ARID1A: variants seen among roughly 807,000 people sequenced by gnomAD.
ARID1A encodes AT-rich interactive domain-containing protein 1A.
ARID1A carries 20 observed loss-of-function variants against 212.6 expected under a neutral mutation model. That is an observed-to-expected ratio of 0.09 (90% confidence interval 0.07 to 0.14). The LOEUF is 0.14. Ranked by LOEUF, ARID1A falls within the 10% of genes least tolerant of loss-of-function variation. ARID1A has a pLI of 1.00. For synonymous variants in ARID1A, 1,376 were observed against 1,222.1 expected, an observed-to-expected ratio of 1.13 and a Z score of -2.63; for missense variants, 2,587 against 3,059.0, an observed-to-expected ratio of 0.85 and a Z score of 3.64.
chr1:26,774,991 T>A lies in ARID1A; in HGVS notation c.4764T>A (p.Pro1588=). 1 of 1,539,040 alleles carries A rather than the reference T, an allele frequency of 6.5e-7. No individual in the cohort carries two copies. The highest frequency in any genetic ancestry group is 8.7e-7 in the Non-Finnish European group (1 of 1,144,536). ...ATCACATTCCTCAGGTATCCAGCCC[T>A]GCTCCCCTGCCCCGGCCAATGGAGA... ...MQNHIPQVSS[P]APLPRPMENR... Residue 1588 remains proline (P), a synonymous_variant, in exon 18 of 20, where the codon CCT becomes CCA. Transcript: ENST00000324856. The surrounding 1 kb of genome is among the most constrained non-coding windows in gnomAD (Gnocchi z 5.6).
chr1:26,702,866 T>C (rs1570546976), intron 1 of ARID1A, among the ~76,000 whole-genome samples: 1 of 152,250 alleles, frequency 6.6e-6, no homozygotes, highest in African/African-American at 2.4e-5. Context: ...AAATAGAAGT[T>C]TGGAAAGAAG....
chr1:26,737,618 C>A (rs1221968554), intron 4 of ARID1A, among the ~76,000 whole-genome samples: 1 of 152,078 alleles, frequency 6.6e-6, no homozygotes, highest in Non-Finnish European at 1.5e-5. Context: ...GTAATCCCGG[C>A]ACTTTGGGAG....
At chr1:26,777,393 AT>A (rs773418013) in intron 19 of ARID1A, among the ~76,000 whole-genome samples, 351 of 136,336 alleles carry the variant, frequency 2.6e-3, no homozygotes, top group Middle Eastern at 3.8e-3. Flanking sequence ...TGCTCAGCTA[AT>A]TTTTTTTTTT....
At chr1:26,742,234 C>T (rs530264506) in intron 4 of ARID1A, among the ~76,000 whole-genome samples, 1 of 152,212 alleles carries the variant, frequency 6.6e-6, no homozygotes. Context: ...TTCCATTTTA[C>T]TTCTGTTTTC....
rs747848949 is a variant in ARID1A, at chr1:26,771,096, A to G, written c.3199-23A>G. Reference sequence around the variant, plus strand: ...AAAACCAGGCGGGAGATATACCTCGACTCCTTTGGTTTGGTTATACAGGTC... The same window carrying G: ...AAAACCAGGCGGGAGATATACCTCGGCTCCTTTGGTTTGGTTATACAGGTC... On this transcript the variant is annotated intron_variant, in intron 11 of 19. Transcript: ENST00000324856. The surrounding 1 kb of genome is among the most constrained non-coding windows in gnomAD (Gnocchi z 5.4). 4.3e-6 allele frequency: 7 copies of G among 1,612,448 alleles called. No homozygotes were observed. Among genetic ancestry groups the G allele is most frequent in the Non-Finnish European group, 5.9e-6 (7 of 1,178,640 alleles).
chr1:26,757,669 AC>A (rs2080954348), intron 4 of ARID1A, among the ~76,000 whole-genome samples: 1 of 151,260 alleles, frequency 6.6e-6, no homozygotes, highest in African/African-American at 2.4e-5. Flanking sequence ...AATAATCAAA[AC>A]TTTTTTTTTT....
intron 4 of ARID1A, among the ~76,000 whole-genome samples, chr1:26,756,022 C>T (rs868577085): frequency 9.9e-5 from 15 of 152,004 alleles, no homozygotes; most frequent in Middle Eastern, 3.4e-3. Context: ...GGATTACAGA[C>T]GTGAGCCACC....
At chr1:26,720,678 G>C (rs981702075) in intron 1 of ARID1A, among the ~76,000 whole-genome samples, 3 of 151,956 alleles carry the variant, frequency 2.0e-5, no homozygotes, top group Admixed American at 2.0e-4. Flanking sequence ...AGGAGTTGAA[G>C]AACAGCCTGG....
In ARID1A at chr1:26,697,439, G is replaced by T; in HGVS notation, c.1036G>T (p.Ala346Ser). ...CWGAAAAAAA[A>S]AAASGGAQQR... ...GGGGGCTGCGGCGGCGGCAGCTGCG[G>T]CGGCGGCCGCCTCGGGAGGGGCCCA... The change falls in exon 1 of 20, where the codon GCG becomes TCG. Residue 346 changes from alanine to serine, a missense_variant. Physicochemically the swap from Ala to Ser is moderately conservative, Grantham distance 99 (BLOSUM62 1). Transcript: ENST00000324856. 2 of 1,356,082 alleles carry T rather than the reference G, an allele frequency of 1.5e-6. No individual in the cohort carries two copies. Among genetic ancestry groups the T allele is most frequent in the Non-Finnish European group, 1.9e-6 (2 of 1,065,250 alleles). 84.0% of individuals were successfully genotyped at this position (1,356,082 alleles called of 1,614,324 possible).
rs2124086799 is a variant in ARID1A, at chr1:26,767,883, C to T, written c.3082C>T (p.Leu1028=). 1.2e-6 allele frequency: 2 copies of T among 1,614,130 alleles called. No individual in the cohort carries two copies. The highest frequency in any genetic ancestry group is 1.7e-6 in the Non-Finnish European group (2 of 1,179,996). The part of the protein sequence containing the change: ...PERKMWVDRY[L]AFTEEKAMGM... The stretch of plus-strand genomic sequence containing the variant: ...GAGGAAGATGTGGGTGGACCGTTAT[C>T]TGGCCTTCACTGAGGAGAAGGCCAT... Residue 1028 remains leucine, a synonymous_variant, in exon 11 of 20, where the codon CTG becomes TTG. Coordinates refer to ENST00000324856, the MANE Select transcript of ARID1A (RefSeq NM_006015.6).
intron 1 of ARID1A, among the ~76,000 whole-genome samples, chr1:26,715,575 T>C (rs2080495073): frequency 6.6e-6 from 1 of 152,250 alleles, no homozygotes; most frequent in Non-Finnish European, 1.5e-5. Flanking sequence ...TGGGATGCAG[T>C]ATACCAGTGT....
In ARID1A at chr1:26,731,467, G is replaced by A. The variant is rs2124789674; in HGVS notation, c.1666G>A (p.Ala556Thr). ...CCAGCCCCCCTACTCACAGCCACAGGCTCAGTCTCCTTACCAGCAGCAGCA... is the reference window on the plus strand; with the variant it reads ...CCAGCCCCCCTACTCACAGCCACAGACTCAGTCTCCTTACCAGCAGCAGCA... ...QSQPPYSQPQ[A>T]QSPYQQQQPQ... Residue 556 changes from alanine (A) to threonine (T), a missense_variant, in exon 3 of 20, where the codon GCT becomes ACT. Around this residue, in one of 11 missense-constraint regions of ARID1A, gnomAD observed 674 missense variants for 813.4 expected, o/e 0.83. Coordinates refer to ENST00000324856, the MANE Select transcript of ARID1A (RefSeq NM_006015.6). The A allele has an allele frequency of 6.2e-7, 1 of 1,613,380 alleles. No homozygotes were observed. The highest frequency in any genetic ancestry group is 2.2e-5 in the East Asian group (1 of 44,840).
At chr1:26,767,707 G>A (rs2081051390) in intron 10 of ARID1A, 83 bp from the exon 11 acceptor site, 2 of 1,337,500 alleles carry the variant, frequency 1.5e-6, no homozygotes, top group African/African-American at 2.9e-5. Flanking sequence ...CTTTAACACT[G>A]CTCCAGTCAA....
At chr1:26,709,826 G>A (rs1210886527) in intron 1 of ARID1A, among the ~76,000 whole-genome samples, 3 of 149,668 alleles carry the variant, frequency 2.0e-5, no homozygotes, top group Non-Finnish European at 3.0e-5. Context: ...ATCAGGGCTA[G>A]CTTGCTTACT....
chr1:26,719,610 G>GT (rs2124773374), intron 1 of ARID1A, among the ~76,000 whole-genome samples: 1 of 151,996 alleles, frequency 6.6e-6, no homozygotes, highest in African/African-American at 2.4e-5. Flanking sequence ...TTAAAGTGGT[G>GT]TGAAACTCTA....
intron 1 of ARID1A, among the ~76,000 whole-genome samples, chr1:26,723,962 G>T (rs114693082): frequency 6.6e-6 from 1 of 152,130 alleles, no homozygotes; most frequent in Non-Finnish European, 1.5e-5. Context: ...CTCAATTTGA[G>T]ATGAGTTATA....
At chr1:26,749,374 G>A (rs1173065321) in intron 4 of ARID1A, among the ~76,000 whole-genome samples, 1 of 152,046 alleles carries the variant, frequency 6.6e-6, no homozygotes, top group East Asian at 1.9e-4. Context: ...TGTTTTATTT[G>A]TTTGTTGGGG....
chr1:26,757,890 G>A (rs1487433308), intron 4 of ARID1A, among the ~76,000 whole-genome samples: 4 of 152,110 alleles, frequency 2.6e-5, no homozygotes, highest in Middle Eastern at 3.4e-3. Flanking sequence ...CGCCTACCTC[G>A]GCCTCCTAAA....
chr1:26,774,001 T>G lies in ARID1A; in HGVS notation c.4101+103T>G. The G allele has an allele frequency of 3.5e-6, 5 of 1,441,356 alleles. No individual in the cohort carries two copies. Among genetic ancestry groups the G allele is most frequent in the Non-Finnish European group, 4.8e-6 (5 of 1,044,766 alleles). The allele number at this position is 1,441,356 out of a possible 1,614,324, so 89.3% of individuals were successfully genotyped here. On this transcript the variant is annotated intron_variant, in intron 17 of 19. Coordinates refer to ENST00000324856, the MANE Select transcript of ARID1A (RefSeq NM_006015.6). The surrounding 1 kb of genome is among the most constrained non-coding windows in gnomAD (Gnocchi z 5.6). ...AAGTCTAAGAAGCTCACTTTAGATATTTTGGCATTCTTCTCTCACCTGACT... is the reference window on the plus strand; with the variant it reads ...AAGTCTAAGAAGCTCACTTTAGATAGTTTGGCATTCTTCTCTCACCTGACT...
Sources: gnomAD v4.1 joint callset for allele counts (sites outside exome capture counted in the v4.1 genomes callset) on GRCh38, gnomAD v4.1.1 for gene constraint, gnomAD v4.1.1 regional missense constraint, Gnocchi (gnomAD v3.1) non-coding constraint, MANE v1.5 for transcripts, NCBI Gene and HGNC (gene_info 2026-07-23, HGNC 2026-07-21) for gene names.